OTUD6B: variants seen among roughly 807,000 people sequenced by gnomAD.
The protein encoded by OTUD6B is OTU deubiquitinase 6B.
In OTUD6B, 41 loss-of-function variants were observed where a neutral mutation model predicts 36.9. The observed-to-expected ratio is 1.11, with a 90% CI of 0.87 to 1.44. The LOEUF (loss-of-function observed/expected upper bound fraction) is 1.44. Among genes scored for constraint, OTUD6B ranks in the 40% most tolerant of loss-of-function variants. The pLI is 0.00. For synonymous variants in OTUD6B, 114 were observed against 114.2 expected, an observed-to-expected ratio of 1.00 and a Z score of 0.01; for missense variants, 356 against 344.8, an observed-to-expected ratio of 1.03 and a Z score of -0.26.
rs745576153 is a variant in OTUD6B, at chr8:91,071,233, G to C, written c.178G>C (p.Glu60Gln). The C allele has an allele frequency of 7.4e-6, 12 of 1,613,866 alleles. No individual in the cohort carries two copies. The highest frequency in any genetic ancestry group is 9.3e-6 in the Non-Finnish European group (11 of 1,179,806). The change falls in exon 2 of 7, where the codon GAA becomes CAA. Residue 60 changes from glutamate (E) to glutamine (Q), a missense_variant. Glu to Gln is a conservative substitution (Grantham distance 29). Coordinates refer to ENST00000404789, the MANE Select transcript of OTUD6B (RefSeq NM_016023.5). ...TGTGGCCAAGTTGGAAAAAGAAATG[G>C]AACAGAAACATAGAGAGGAACTGGA... Reference protein sequence around the residue: ...EDVAKLEKEMEQKHREELEQL... With the variant: ...EDVAKLEKEMQQKHREELEQL...
In OTUD6B at chr8:91,071,734, G is replaced by A. The variant is rs142337124; in HGVS notation, c.234+445G>A. On this transcript the variant is annotated intron_variant, in intron 2 of 6. Coordinates refer to ENST00000404789, the MANE Select transcript of OTUD6B (RefSeq NM_016023.5). ...TGCTCATGCATCACTTCTCATTAATGTTTTTGTGACCAAGTTTACAGGGCA... is the reference window on the plus strand; with the variant it reads ...TGCTCATGCATCACTTCTCATTAATATTTTTGTGACCAAGTTTACAGGGCA... Among the ~76,000 whole-genome samples, 155 of 152,274 alleles carry A rather than the reference G, an allele frequency of 1.0e-3. 1 individual carries two copies. Among genetic ancestry groups the A allele is most frequent in the African/African-American group, 3.6e-3 (150 of 41,562 alleles).
intron 5 of OTUD6B, among the ~76,000 whole-genome samples, chr8:91,083,452 G>A (rs528893465): frequency 1.2e-4 from 19 of 152,160 alleles, no homozygotes; most frequent in African/African-American, 4.6e-4. Flanking sequence ...CAAAGCTTTT[G>A]TGCAGGCAGG....
At position 91,073,910 on chromosome 8, in the gene OTUD6B, G is replaced by T; in HGVS notation, c.314G>T (p.Arg105Leu). ...CGGATATCAAAAGCACAAAAGAGAC[G>T]GGTATGAAAGTCATGTCACCAAGTA... ...PPRISKAQKR[R>L]EKKAALEKER... The change falls in exon 3 of 7, where the codon CGG becomes CTG. Residue 105 changes from arginine (R) to leucine (L), a missense_variant and splice_region_variant. By Grantham distance (102) the Arg-to-Leu change is moderately radical. Coordinates refer to ENST00000404789, the MANE Select transcript of OTUD6B (RefSeq NM_016023.5). 1 of 1,582,138 alleles carries T rather than the reference G, an allele frequency of 6.3e-7. No homozygotes were observed. Among genetic ancestry groups the T allele is most frequent in the Non-Finnish European group, 8.6e-7 (1 of 1,161,426 alleles).
At chr8:91,077,074 C>T (rs542889442) in intron 3 of OTUD6B, among the ~76,000 whole-genome samples, 52 of 152,090 alleles carry the variant, frequency 3.4e-4, no homozygotes, top group African/African-American at 1.2e-3. Flanking sequence ...AAGTCTTTAC[C>T]TTTTCCTATT....
chr8:91,074,301 C>G (rs2130429239), intron 3 of OTUD6B, among the ~76,000 whole-genome samples: 1 of 152,078 alleles, frequency 6.6e-6, no homozygotes, highest in South Asian at 2.1e-4. Context: ...AATGTGGGCC[C>G]AGGGGATTCT....
chr8:91,077,993 G>T (rs1812832821), intron 3 of OTUD6B, among the ~76,000 whole-genome samples: 1 of 152,002 alleles, frequency 6.6e-6, no homozygotes, highest in Non-Finnish European at 1.5e-5. Flanking sequence ...ATTAGCCTGG[G>T]CTTTAATATA....
At chr8:91,083,461 G>C (rs1812946875) in intron 5 of OTUD6B, among the ~76,000 whole-genome samples, 1 of 152,102 alleles carries the variant, frequency 6.6e-6, no homozygotes, top group African/African-American at 2.4e-5. Flanking sequence ...TGTGCAGGCA[G>C]GGCTTGAGCA....
At chr8:91,084,508 A>G (rs1812969703) in intron 6 of OTUD6B, 1 of 153,118 alleles carries the variant, frequency 6.5e-6, no homozygotes, top group South Asian at 2.1e-4. Context: ...CTATTAAGAT[A>G]GTCATCAATG....
At chr8:91,078,789 C>A (rs1812848738) in intron 4 of OTUD6B, 121 bp downstream of exon 4, 1 of 560,664 alleles carries the variant, frequency 1.8e-6, no homozygotes, top group African/African-American at 1.9e-5. Context: ...AAAAACATCA[C>A]AAGATTTAGG....
intron 3 of OTUD6B, among the ~76,000 whole-genome samples, chr8:91,075,711 A>G (rs1812791753): frequency 6.6e-6 from 1 of 152,138 alleles, no homozygotes; most frequent in Non-Finnish European, 1.5e-5. Flanking sequence ...TAGAACAGAA[A>G]ACATTAAACG....
chr8:91,082,277 AT>A (rs1484333243), intron 5 of OTUD6B, among the ~76,000 whole-genome samples: 3 of 152,140 alleles, frequency 2.0e-5, no homozygotes, highest in African/African-American at 4.8e-5. Context: ...AATTTCTTAA[AT>A]TCTTTCAAAA....
At chr8:91,083,271 C>T (rs962451702) in intron 5 of OTUD6B, among the ~76,000 whole-genome samples, 7 of 152,026 alleles carry the variant, frequency 4.6e-5, no homozygotes, top group African/African-American at 1.7e-4. Context: ...TTTTGTTCTT[C>T]CCCCTGCCCA....
At chr8:91,073,496 C>T (rs1169395574) in intron 2 of OTUD6B, among the ~76,000 whole-genome samples, 2 of 151,922 alleles carry the variant, frequency 1.3e-5, no homozygotes, top group East Asian at 3.9e-4. Context: ...CAGCACAGGA[C>T]CTTTATCTTA....
At chr8:91,074,039 T>G (rs1209505597) in intron 3 of OTUD6B, 128 bp downstream of exon 3, 4 of 549,368 alleles carry the variant, frequency 7.3e-6, no homozygotes, top group Non-Finnish European at 3.2e-6. Context: ...TCTAGGCACT[T>G]GAACTAACAT....
chr8:91,074,785 A>G (rs1039038521), intron 3 of OTUD6B, among the ~76,000 whole-genome samples: 1 of 152,098 alleles, frequency 6.6e-6, no homozygotes, highest in Non-Finnish European at 1.5e-5. Flanking sequence ...ATGACATAGT[A>G]TGTAATTTAG....
intron 4 of OTUD6B, 82 bp from the exon 5 acceptor site, chr8:91,080,587 G>GA (rs1428331173): frequency 2.7e-6 from 4 of 1,508,724 alleles, no homozygotes; most frequent in Middle Eastern, 1.8e-4. Context: ...TTTTTGTCAG[G>GA]AATTGTGGGA....
At chr8:91,077,012 T>C (rs957501244) in intron 3 of OTUD6B, among the ~76,000 whole-genome samples, 3 of 152,098 alleles carry the variant, frequency 2.0e-5, no homozygotes, top group Admixed American at 2.0e-4. Context: ...TAATTGAAAC[T>C]TGCCTTCCCA....
At chr8:91,082,868 T>C (rs551515727) in intron 5 of OTUD6B, among the ~76,000 whole-genome samples, 8 of 150,154 alleles carry the variant, frequency 5.3e-5, no homozygotes, top group African/African-American at 1.7e-4. Context: ...CCATCATGCC[T>C]GGTTAATTTT....
At chr8:91,083,131 A>G (rs1281650380) in intron 5 of OTUD6B, among the ~76,000 whole-genome samples, 1 of 152,150 alleles carries the variant, frequency 6.6e-6, no homozygotes, top group Non-Finnish European at 1.5e-5. Flanking sequence ...GTATATTTTA[A>G]TCAAATAGAA....
Sources: gnomAD v4.1 joint callset for allele counts (sites outside exome capture counted in the v4.1 genomes callset) on GRCh38, gnomAD v4.1.1 for gene constraint, MANE v1.5 for transcripts, NCBI Gene and HGNC (gene_info 2026-07-23, HGNC 2026-07-21) for gene names.